Variants in EPHA5 observed in about 807,000 individuals in gnomAD.
EPHA5 encodes ephrin type-A receptor 5.
In EPHA5, 60 loss-of-function variants were observed where a neutral mutation model predicts 105.0. The ratio of observed to expected loss-of-function variants is 0.57; its 90% confidence interval spans 0.46 to 0.71. EPHA5 has a LOEUF of 0.71. Among genes scored for constraint, EPHA5 ranks in the 30% least tolerant of loss-of-function variants. The pLI is 0.00. For synonymous variants in EPHA5, 513 were observed against 449.1 expected (o/e 1.14, Z -1.80); for missense variants, 1,218 against 1,274.7 (o/e 0.96, Z 0.68).
chr4:65,340,237 A>G (rs1305497573), intron 14 of EPHA5, among the ~76,000 whole-genome samples: 2 of 152,178 alleles, frequency 1.3e-5, no homozygotes, highest in Admixed American at 6.5e-5. Flanking sequence ...AAGCACCAAC[A>G]TGGAGATAAG....
intron 8 of EPHA5, among the ~76,000 whole-genome samples, chr4:65,388,245 C>G (rs1476070340): frequency 6.6e-6 from 1 of 150,780 alleles, no homozygotes; most frequent in Non-Finnish European, 1.5e-5. Context: ...GGTTCCAAGT[C>G]TTTGCTATTG....
At chr4:65,634,318 T>C (rs895451591) in intron 2 of EPHA5, among the ~76,000 whole-genome samples, 3 of 152,124 alleles carry the variant, frequency 2.0e-5, no homozygotes, top group Non-Finnish European at 4.4e-5. Flanking sequence ...AAATAATGCA[T>C]GTATATCTCA....
At chr4:65,653,017 T>TA (rs1428108646) in intron 1 of EPHA5, among the ~76,000 whole-genome samples, 2 of 151,988 alleles carry the variant, frequency 1.3e-5, no homozygotes, top group East Asian at 1.9e-4. Context: ...AAATAGAATT[T>TA]AAAAAAATGT....
intron 14 of EPHA5, among the ~76,000 whole-genome samples, chr4:65,343,461 G>GT (rs1560431389): frequency 6.6e-6 from 1 of 152,112 alleles, no homozygotes; most frequent in African/African-American, 2.4e-5. Flanking sequence ...CCTTGGTAAC[G>GT]TAACATTTTC....
intron 3 of EPHA5, among the ~76,000 whole-genome samples, chr4:65,595,457 A>C (rs1486748085): frequency 6.6e-6 from 1 of 152,172 alleles, no homozygotes; most frequent in Non-Finnish European, 1.5e-5. Context: ...ATTGGAAAAA[A>C]TGTAGTATTA....
In EPHA5 at chr4:65,596,596, T is replaced by C. The variant is rs115560189; in HGVS notation, c.910+5045A>G. On this transcript the variant is annotated intron_variant, in intron 3 of 16. Coordinates refer to ENST00000613740, the MANE Select transcript of EPHA5 (RefSeq NM_001281766.3). ...AGTTAAAATGGGGGGAAAAAGACTA[T>C]TTGAATTATTCTCTTGTGTAATGTT... Among the ~76,000 whole-genome samples, 757 of 152,140 alleles carry C rather than the reference T, an allele frequency of 5.0e-3. 4 individuals are homozygous for C. Among genetic ancestry groups the C allele is most frequent in the African/African-American group, 0.015 (631 of 41,498 alleles).
intron 3 of EPHA5, among the ~76,000 whole-genome samples, chr4:65,592,528 A>AAAAAG (rs900864653): frequency 2.6e-5 from 4 of 152,252 alleles, no homozygotes; most frequent in East Asian, 3.9e-4. Context: ...AAGAAAAAAG[A>AAAAAG]AAAAGAAAAG....
At chr4:65,444,633 T>C (rs1726339539) in intron 5 of EPHA5, among the ~76,000 whole-genome samples, 1 of 152,168 alleles carries the variant, frequency 6.6e-6, no homozygotes. Context: ...TTAGCTAAAA[T>C]ACTTAGTGTA....
intron 8 of EPHA5, chr4:65,377,165 C>T: frequency 8.8e-7 from 1 of 1,131,036 alleles, no homozygotes; most frequent in Non-Finnish European, 1.2e-6. Context: ...CTTTCCTTTT[C>T]AAAATCAAAA....
At chr4:65,574,306 A>G (rs1740561136) in intron 3 of EPHA5, 17 of 1,544,004 alleles carry the variant, frequency 1.1e-5, no homozygotes, top group South Asian at 7.1e-5. Flanking sequence ...AATGGAATTT[A>G]TCCTCACAAA....
chr4:65,551,925 G>A (rs1737959195), intron 3 of EPHA5, among the ~76,000 whole-genome samples: 1 of 152,086 alleles, frequency 6.6e-6, no homozygotes, highest in African/African-American at 2.4e-5. Context: ...GTCTGTATTT[G>A]CAAGTATATT....
intron 16 of EPHA5, among the ~76,000 whole-genome samples, chr4:65,324,711 A>G (rs936005791): frequency 6.7e-6 from 1 of 150,328 alleles, no homozygotes; most frequent in East Asian, 2.0e-4. Flanking sequence ...GGAGATAATC[A>G]CCACTACATT....
At chr4:65,584,277 C>G (rs1335903855) in intron 3 of EPHA5, among the ~76,000 whole-genome samples, 4 of 151,786 alleles carry the variant, frequency 2.6e-5, no homozygotes, top group Admixed American at 2.6e-4. Flanking sequence ...GTTGGATGTA[C>G]AGTAATATTG....
chr4:65,550,099 A>T (rs1053241816), intron 3 of EPHA5, among the ~76,000 whole-genome samples: 6 of 152,014 alleles, frequency 3.9e-5, no homozygotes, highest in Admixed American at 3.9e-4. Flanking sequence ...AAAGCATAAA[A>T]AGATAATACA....
At chr4:65,372,207 G>C (rs1718545616) in intron 8 of EPHA5, among the ~76,000 whole-genome samples, 1 of 151,852 alleles carries the variant, frequency 6.6e-6, no homozygotes, top group African/African-American at 2.4e-5. Context: ...GAATAATACT[G>C]TTTTTTAGAA....
intron 5 of EPHA5, among the ~76,000 whole-genome samples, chr4:65,472,786 T>G (rs1729419621): frequency 6.6e-6 from 1 of 152,168 alleles, no homozygotes; most frequent in African/African-American, 2.4e-5. Context: ...GCCAGGAGAC[T>G]TAGGAGAGAA....
In EPHA5 at chr4:65,450,509, C is replaced by G. The variant is rs147079955; in HGVS notation, c.1403-29944G>C. The stretch of plus-strand genomic sequence containing the variant: ...TTATGCTGAGGGGCATAGATCCAGA[C>G]CAATGTAAAATCTGGTAGACACTTG... On this transcript the variant is annotated intron_variant, in intron 5 of 16. Transcript: ENST00000613740. Among the ~76,000 whole-genome samples, 287 of 152,168 alleles carry G rather than the reference C, an allele frequency of 1.9e-3. 3 individuals are homozygous for G. The highest frequency in any genetic ancestry group is 6.6e-3 in the African/African-American group (276 of 41,526).
intron 15 of EPHA5, 60 bp downstream of exon 15, chr4:65,335,872 T>C (rs769613316): frequency 8.2e-6 from 12 of 1,461,944 alleles, no homozygotes; most frequent in Non-Finnish European, 1.1e-5. Context: ...TGATAAAATA[T>C]TTGTGACATC....
intron 2 of EPHA5, among the ~76,000 whole-genome samples, chr4:65,636,536 C>A (rs140004977): frequency 6.6e-6 from 1 of 151,812 alleles, no homozygotes; most frequent in East Asian, 1.9e-4. Flanking sequence ...TTTTCATCTA[C>A]AAACAGAATA....
Sources: allele counts gnomAD v4.1 joint callset (sites outside exome capture counted in the v4.1 genomes callset), GRCh38; gene constraint gnomAD v4.1.1; transcripts MANE v1.5; gene names NCBI Gene and HGNC (gene_info 2026-07-23, HGNC 2026-07-21).